Variants in TOX observed in about 807,000 individuals in gnomAD.
TOX encodes thymocyte selection associated high mobility group box.
In TOX, 11 loss-of-function variants were observed where a neutral mutation model predicts 53.7. That is an observed-to-expected ratio of 0.20 (90% CI 0.13 to 0.34). TOX has a LOEUF of 0.34. Ranked by LOEUF, TOX falls within the 10% of genes least tolerant of loss-of-function variation. The pLI, the probability that TOX is intolerant of heterozygous loss-of-function variation, is 1.00. For missense variants in TOX, 570 were observed against 664.6 expected, an observed-to-expected ratio of 0.86 and a Z score of 1.56; for synonymous variants, 225 against 245.3, an observed-to-expected ratio of 0.92 and a Z score of 0.77.
At chr8:58,870,668 T>C (rs1350959437) in intron 3 of TOX, among the ~76,000 whole-genome samples, 1 of 152,018 alleles carries the variant, frequency 6.6e-6, no homozygotes, top group African/African-American at 2.4e-5. Context: ...ACCATGGTAT[T>C]GGCAAATGAA....
intron 1 of TOX, among the ~76,000 whole-genome samples, chr8:59,004,692 A>G (rs1813754283): frequency 6.6e-6 from 1 of 152,218 alleles, no homozygotes; most frequent in Admixed American, 6.5e-5. Flanking sequence ...TATCTGAAAA[A>G]TGGATGAAAA....
intron 1 of TOX, among the ~76,000 whole-genome samples, chr8:59,114,088 G>A (rs770421115): frequency 6.6e-6 from 1 of 151,982 alleles, no homozygotes; most frequent in Non-Finnish European, 1.5e-5. Flanking sequence ...CCCTAAAACT[G>A]GAAATTTCCC....
In TOX at chr8:58,994,419, TGC is replaced by T. The variant is rs1554536881; in HGVS notation, c.103-34413_103-34412del. 4.1e-4 allele frequency among the ~76,000 whole-genome samples: 58 copies of T among 141,288 alleles called. No individual in the cohort carries two copies. In the South Asian group the frequency reaches 5.7e-3, roughly 14 times the overall value. 92.7% of individuals were successfully genotyped at this position (141,288 alleles called of 152,430 possible). On this transcript the variant is annotated intron_variant, in intron 1 of 8. Transcript: ENST00000361421. ...GTGTGTGTGTGTGTGTGTGTGTGTG[TGC>T]GCGCGCGCATGTGTGTGTATTTTTT...
intron 1 of TOX, among the ~76,000 whole-genome samples, chr8:59,032,195 A>G (rs1036215404): frequency 2.0e-5 from 3 of 152,164 alleles, no homozygotes; most frequent in Non-Finnish European, 4.4e-5. Context: ...AGATGACCTT[A>G]AGGATGTAGC....
chr8:59,103,956 C>T (rs373575743), intron 1 of TOX, among the ~76,000 whole-genome samples: 1 of 152,160 alleles, frequency 6.6e-6, no homozygotes, highest in African/African-American at 2.4e-5. Context: ...AATTAATCTG[C>T]ATGTAGACTA....
At chr8:58,865,434 T>TC (rs1811080382) in intron 3 of TOX, among the ~76,000 whole-genome samples, 1 of 152,058 alleles carries the variant, frequency 6.6e-6, no homozygotes, top group African/African-American at 2.4e-5. Context: ...TTTTTTTTTT[T>TC]AGTTTTAATT....
chr8:58,961,538 T>C (rs1812796661), intron 1 of TOX, among the ~76,000 whole-genome samples: 1 of 152,072 alleles, frequency 6.6e-6, no homozygotes, highest in South Asian at 2.1e-4. Flanking sequence ...AACTCTTTTT[T>C]TTTTTTTTGA....
chr8:58,988,914 A>G (rs753051602), intron 1 of TOX, among the ~76,000 whole-genome samples: 2 of 152,226 alleles, frequency 1.3e-5, no homozygotes, highest in Non-Finnish European at 2.9e-5. Context: ...TCCCAAGACA[A>G]CAAGGAAGTC....
chr8:59,086,805 C>G (rs1448206115), intron 1 of TOX, among the ~76,000 whole-genome samples: 1 of 152,158 alleles, frequency 6.6e-6, no homozygotes, highest in Non-Finnish European at 1.5e-5. Flanking sequence ...GGCCTTAAGG[C>G]ACTCTCTGAT....
chr8:58,843,670 CT>C (rs1208524526), intron 4 of TOX, among the ~76,000 whole-genome samples: 1 of 152,188 alleles, frequency 6.6e-6, no homozygotes, highest in Admixed American at 6.5e-5. Flanking sequence ...AAATATAAAG[CT>C]GTTTGTCTTA....
chr8:58,824,656 T>C (rs1377362963), intron 6 of TOX, among the ~76,000 whole-genome samples: 1 of 152,212 alleles, frequency 6.6e-6, no homozygotes, highest in East Asian at 1.9e-4. Context: ...CCTAAGCAGA[T>C]CTCTTGCTTT....
chr8:58,892,723 G>A (rs188454734), intron 3 of TOX, among the ~76,000 whole-genome samples: 8 of 152,210 alleles, frequency 5.3e-5, no homozygotes, highest in Admixed American at 4.6e-4. Flanking sequence ...TTGCTTGCAC[G>A]AGGTGGCCTT....
intron 1 of TOX, among the ~76,000 whole-genome samples, chr8:59,005,250 G>GA (rs1813768594): frequency 3.3e-5 from 5 of 152,094 alleles, no homozygotes; most frequent in Admixed American, 3.3e-4. Flanking sequence ...GTGTTAGCCA[G>GA]GATGGTCTTC....
intron 1 of TOX, among the ~76,000 whole-genome samples, chr8:59,075,920 G>A (rs1221966006): frequency 2.0e-5 from 3 of 151,832 alleles, no homozygotes; most frequent in Non-Finnish European, 4.4e-5. Context: ...CAGGGGAATC[G>A]CTTGAACCCG....
chr8:59,046,467 T>C (rs919186174), intron 1 of TOX, among the ~76,000 whole-genome samples: 1 of 152,192 alleles, frequency 6.6e-6, no homozygotes, highest in East Asian at 1.9e-4. Flanking sequence ...AATAATAACC[T>C]AGGTGTTAAT....
At chr8:58,973,088 T>C (rs762404569) in intron 1 of TOX, among the ~76,000 whole-genome samples, 11 of 152,248 alleles carry the variant, frequency 7.2e-5, no homozygotes, top group Non-Finnish European at 1.6e-4. Context: ...TTTAGATTTT[T>C]ATTTTAAAAG....
chr8:59,089,904 C>G (rs73256370), intron 1 of TOX, among the ~76,000 whole-genome samples: 2 of 152,300 alleles, frequency 1.3e-5, no homozygotes, highest in South Asian at 4.1e-4. Flanking sequence ...GTCTGGGATG[C>G]TAACACCTCC....
chr8:58,939,582 ATCT>A, intron 2 of TOX, 38 bp from the exon 3 acceptor site: 1 of 1,575,458 alleles, frequency 6.3e-7, no homozygotes, highest in Non-Finnish European at 8.6e-7. Flanking sequence ...GCAAATTATC[ATCT>A]TCTTGCTCTT....
chr8:59,060,369 C>T (rs1265361916), intron 1 of TOX, among the ~76,000 whole-genome samples: 4 of 152,148 alleles, frequency 2.6e-5, no homozygotes, highest in East Asian at 1.9e-4. Flanking sequence ...GGCTCACGCC[C>T]GTAATCCTGG....
Sources: gnomAD v4.1 joint callset for allele counts (sites outside exome capture counted in the v4.1 genomes callset) on GRCh38, gnomAD v4.1.1 for gene constraint, MANE v1.5 for transcripts, NCBI Gene and HGNC (gene_info 2026-07-23, HGNC 2026-07-21) for gene names.